Variants in TBC1D23 observed in about 807,000 individuals in gnomAD.
TBC1D23 encodes TBC1 domain family member 23.
A neutral mutation model predicts 91.4 loss-of-function variants in TBC1D23; 55 were observed. That is an observed-to-expected ratio of 0.60 (90% CI 0.48 to 0.75). The LOEUF is 0.75. Ranked by LOEUF, TBC1D23 falls within the 30% of genes least tolerant of loss-of-function variation. The pLI, the probability that TBC1D23 is intolerant of heterozygous loss-of-function variation, is 0.00. For synonymous variants in TBC1D23, 289 were observed against 281.0 expected, an observed-to-expected ratio of 1.03 and a Z score of -0.28; for missense variants, 725 against 836.1, an observed-to-expected ratio of 0.87 and a Z score of 1.64.
chr3:100,271,112 A>G lies in TBC1D23; in HGVS notation c.54-8537A>G, dbSNP rs183798705. On this transcript the variant is annotated intron_variant, in intron 1 of 18. Coordinates refer to ENST00000394144, the MANE Select transcript of TBC1D23 (RefSeq NM_001199198.3). ...TTTTTTCCAACCCAGAAAACATTCTATTAATATCTTAAGTGTTTTAGATTT... is the reference window on the plus strand; with the variant it reads ...TTTTTTCCAACCCAGAAAACATTCTGTTAATATCTTAAGTGTTTTAGATTT... Among the ~76,000 whole-genome samples, 3 of 152,294 alleles carry G rather than the reference A, an allele frequency of 2.0e-5. No homozygotes were observed. In the East Asian group the frequency reaches 5.8e-4, roughly 29 times the overall value.
At chr3:100,323,519 C>G (rs1705901134) in intron 18 of TBC1D23, 68 bp from the exon 19 acceptor site, 2 of 799,562 alleles carry the variant, frequency 2.5e-6, no homozygotes, top group Non-Finnish European at 1.7e-6. Flanking sequence ...AGGGAAAGCA[C>G]TGTATTTTTA....
rs1046836299 is a variant in TBC1D23, at chr3:100,315,799, G to A, written c.1599-300G>A. The A allele has an allele frequency of 4.4e-5, 15 of 342,758 alleles. No homozygotes were observed. In the South Asian group the frequency reaches 4.7e-4, roughly 11 times the overall value. 21.2% of individuals were successfully genotyped at this position (342,758 alleles called of 1,614,324 possible). ...ACAAAAGGCTAAATAACTTCCGCAA[G>A]GCCAAACAGATCTAAGCATTGGTTT... On this transcript the variant is annotated intron_variant, in intron 15 of 18. Transcript: ENST00000394144.
intron 4 of TBC1D23, 64 bp from the exon 5 acceptor site, chr3:100,290,514 G>A (rs984241649): frequency 1.1e-5 from 16 of 1,467,068 alleles, no homozygotes; most frequent in Non-Finnish European, 1.4e-5. Context: ...CAGGAAGATT[G>A]GTTACTGATG....
chr3:100,265,388 G>GA (rs2067549851), intron 1 of TBC1D23, among the ~76,000 whole-genome samples: 1 of 152,204 alleles, frequency 6.6e-6, no homozygotes, highest in African/African-American at 2.4e-5. Flanking sequence ...ATTCAGCCAT[G>GA]TAAGCTCAAA....
rs549945510 is a variant in TBC1D23 at position 100,267,201 on chromosome 3, G to A, written c.53+6130G>A. On this transcript the variant is annotated intron_variant, in intron 1 of 18. Coordinates refer to ENST00000394144, the MANE Select transcript of TBC1D23 (RefSeq NM_001199198.3). ...ATAGGATTAAACAGTTTGAAAAGGG[G>A]CAGGGCTTGAAATGAGTTAAATATT... 242 of 445,374 alleles carry A rather than the reference G, an allele frequency of 5.4e-4. 6 individuals are homozygous for A. The highest frequency in any genetic ancestry group is 3.7e-3 in the South Asian group (232 of 62,380). 27.6% of individuals were successfully genotyped at this position (445,374 alleles called of 1,614,324 possible).
Position 100,278,664 on chromosome 3 carries a change from G to A in TBC1D23, c.54-985G>A, listed in dbSNP as rs1353740693. On this transcript the variant is annotated intron_variant, in intron 1 of 18. Transcript: ENST00000394144. ...CTCCCAAAGTGCTGGGATTACAGGC[G>A]TGAGCCACTGCGCCCAGCTGGAATT... 5.3e-5 allele frequency among the ~76,000 whole-genome samples: 8 copies of A among 152,270 alleles called. No homozygotes were observed. The South Asian group carries it at 1.2e-3, about 24-fold the overall frequency.
chr3:100,264,809 AT>A (rs1431357489), intron 1 of TBC1D23, among the ~76,000 whole-genome samples: 1 of 152,118 alleles, frequency 6.6e-6, no homozygotes, highest in Non-Finnish European at 1.5e-5. Flanking sequence ...GTTTTTGCTG[AT>A]TTTCAGTTAT....
At chr3:100,293,863 G>T (rs1329516753) in intron 5 of TBC1D23, among the ~76,000 whole-genome samples, 4 of 152,118 alleles carry the variant, frequency 2.6e-5, no homozygotes, top group African/African-American at 9.7e-5. Flanking sequence ...GGGGAGAAAT[G>T]TGTTTACTTT....
intron 1 of TBC1D23, among the ~76,000 whole-genome samples, chr3:100,274,470 A>C (rs1412019588): frequency 1.3e-5 from 2 of 152,160 alleles, no homozygotes; most frequent in African/African-American, 4.8e-5. Context: ...TTTTCAGTGT[A>C]CATTAGTATT....
At chr3:100,284,841 C>G (rs2067726007) in intron 4 of TBC1D23, among the ~76,000 whole-genome samples, 1 of 152,140 alleles carries the variant, frequency 6.6e-6, no homozygotes, top group African/African-American at 2.4e-5. Flanking sequence ...TGGGGGAGCT[C>G]TTAAAAATCC....
At position 100,305,277 on chromosome 3, in the gene TBC1D23, T is replaced by C. The variant is rs114150521; in HGVS notation, c.1306+389T>C. ...GTGTTTTGTTATTTTATTTTTGAACTACTTGAAGGTATTCTCTGTTTAAAA... is the reference window on the plus strand; with the variant it reads ...GTGTTTTGTTATTTTATTTTTGAACCACTTGAAGGTATTCTCTGTTTAAAA... On this transcript the variant is annotated intron_variant, in intron 12 of 18. Transcript: ENST00000394144. Among the ~76,000 whole-genome samples, 854 of 152,256 alleles carry C rather than the reference T, an allele frequency of 5.6e-3. 13 individuals carry two copies. The highest frequency in any genetic ancestry group is 0.019 in the African/African-American group (781 of 41,572).
chr3:100,321,830 T>TAAAA (rs10693696), intron 18 of TBC1D23, among the ~76,000 whole-genome samples: 10 of 146,170 alleles, frequency 6.8e-5, no homozygotes, highest in South Asian at 2.1e-4. Flanking sequence ...ACCTGATTTG[T>TAAAA]AAAAAAAAAA....
At chr3:100,307,788 T>C (rs1474436875) in intron 13 of TBC1D23, among the ~76,000 whole-genome samples, 1 of 152,258 alleles carries the variant, frequency 6.6e-6, no homozygotes, top group African/African-American at 2.4e-5. Context: ...TATTCAGTTC[T>C]CTATTGTTCA....
In TBC1D23 at chr3:100,294,071, A is replaced by G. The variant is rs184275246; in HGVS notation, c.601-1016A>G. Among the ~76,000 whole-genome samples the G allele has an allele frequency of 3.3e-5, 5 of 152,310 alleles. No homozygotes were observed. In the East Asian group the frequency reaches 9.6e-4, roughly 29 times the overall value. ...ATATGTGTTCCCGTTAATTCTCTTTAGCTGTTAAAAATTTTTTAAATTTAA... is the reference window on the plus strand; with the variant it reads ...ATATGTGTTCCCGTTAATTCTCTTTGGCTGTTAAAAATTTTTTAAATTTAA... On this transcript the variant is annotated intron_variant, in intron 5 of 18. Coordinates refer to ENST00000394144, the MANE Select transcript of TBC1D23 (RefSeq NM_001199198.3).
At chr3:100,286,123 A>G (rs1334313577) in intron 4 of TBC1D23, among the ~76,000 whole-genome samples, 1 of 152,198 alleles carries the variant, frequency 6.6e-6, no homozygotes, top group East Asian at 1.9e-4. Context: ...ACAGACTTAA[A>G]GATACCAGAA....
At chr3:100,311,654 C>T (rs1370092134) in intron 14 of TBC1D23, among the ~76,000 whole-genome samples, 179 bp from the exon 15 acceptor site, 1 of 152,126 alleles carries the variant, frequency 6.6e-6, no homozygotes, top group East Asian at 1.9e-4. Flanking sequence ...AGACTGCTGC[C>T]TTGATTAGTT....
At chr3:100,283,421 G>A (rs1299171876) in intron 3 of TBC1D23, among the ~76,000 whole-genome samples, 186 bp from the exon 4 acceptor site, 1 of 151,514 alleles carries the variant, frequency 6.6e-6, no homozygotes, top group South Asian at 2.1e-4. Flanking sequence ...TGTTTTCCTT[G>A]GGTTTTGGAT....
chr3:100,296,998 C>A (rs183892178), intron 8 of TBC1D23, among the ~76,000 whole-genome samples: 5 of 152,018 alleles, frequency 3.3e-5, no homozygotes, highest in Non-Finnish European at 5.9e-5. Context: ...ATTTAGGCCC[C>A]GTAAAGACTT....
Position 100,295,254 on chromosome 3 carries a change from G to A in TBC1D23, c.725+43G>A, listed in dbSNP as rs145943017. On this transcript the variant is annotated intron_variant, in intron 6 of 18. Coordinates refer to ENST00000394144, the MANE Select transcript of TBC1D23 (RefSeq NM_001199198.3). ...TAGATTTTTTTTCCTCTTTTCTCAG[G>A]GTGCTCTGTTAATATTTAACTCAAA... 249 of 1,600,324 alleles carry A rather than the reference G, an allele frequency of 1.6e-4. No individual in the cohort carries two copies. The African/African-American group carries it at 2.7e-3, about 17-fold the overall frequency.
Sources: allele counts gnomAD v4.1 joint callset (sites outside exome capture counted in the v4.1 genomes callset), GRCh38; gene constraint gnomAD v4.1.1; transcripts MANE v1.5; gene names NCBI Gene and HGNC (gene_info 2026-07-23, HGNC 2026-07-21).